FNDC3A: variants seen among roughly 807,000 people sequenced by gnomAD.
The protein encoded by FNDC3A is fibronectin type III domain containing 3A, also known as fibronectin type-III domain-containing protein 3A.
FNDC3A carries 32 observed loss-of-function variants against 148.9 expected under a neutral mutation model. The ratio of observed to expected loss-of-function variants is 0.21; its 90% CI spans 0.16 to 0.29. The LOEUF (loss-of-function observed/expected upper bound fraction) is 0.29, where lower values mean the gene tolerates loss of function less well. Among genes scored for constraint, FNDC3A ranks in the 10% least tolerant of loss-of-function variants. FNDC3A has a pLI of 1.00. For synonymous variants in FNDC3A, 472 were observed against 473.6 expected, an observed-to-expected ratio of 1.00 and a Z score of 0.04; for missense variants, 1,191 against 1,452.8, an observed-to-expected ratio of 0.82 and a Z score of 2.93.
rs149655418 is a variant in FNDC3A at position 48,997,006 on chromosome 13, C to T, written c.-39-9146C>T. On this transcript the variant is annotated intron_variant, in intron 1 of 25. Transcript: ENST00000492622. ...TGAACCCAGGAGGCAGAGGCTGCAG[C>T]GGGCGGAGATCGCACCATTGCACTC... 5.0e-3 allele frequency among the ~76,000 whole-genome samples: 759 copies of T among 150,704 alleles called. 10 individuals are homozygous for T. Among genetic ancestry groups the T allele is most frequent in the African/African-American group, 0.017 (711 of 41,014 alleles).
chr13:48,994,908 A>T (rs557151224), intron 1 of FNDC3A, among the ~76,000 whole-genome samples: 1 of 152,190 alleles, frequency 6.6e-6, no homozygotes, highest in Non-Finnish European at 1.5e-5. Flanking sequence ...TAATGAGTAC[A>T]TGGGGTTCAT....
chr13:49,011,114 TATCAAACTGTTA>T (rs1283868637), intron 2 of FNDC3A, among the ~76,000 whole-genome samples: 9 of 152,352 alleles, frequency 5.9e-5, no homozygotes, highest in African/African-American at 1.7e-4. Flanking sequence ...TTCTTTGATT[TATCAAACTGTTA>T]ATCAAACTGT....
rs998159925 is a variant in FNDC3A at position 49,193,497 on chromosome 13, A to G, written c.2226+2113A>G. Among the ~76,000 whole-genome samples the G allele has an allele frequency of 2.6e-5, 4 of 152,132 alleles. No homozygotes were observed. In the South Asian group the frequency reaches 6.2e-4, roughly 24 times the overall value. On this transcript the variant is annotated intron_variant, in intron 19 of 25. Transcript: ENST00000492622. Reference sequence around the variant, plus strand: ...GGTTGGTCTCAAACTCTCGGGCTCAAGTGATTCCCCCACCTTAGCCTCCCA... The same window carrying G: ...GGTTGGTCTCAAACTCTCGGGCTCAGGTGATTCCCCCACCTTAGCCTCCCA...
intron 4 of FNDC3A, among the ~76,000 whole-genome samples, chr13:49,125,312 A>C (rs1350047627): frequency 1.3e-5 from 2 of 152,202 alleles, no homozygotes; most frequent in Non-Finnish European, 2.9e-5. Context: ...GATTTATATG[A>C]GAATGAAGAG....
intron 3 of FNDC3A, among the ~76,000 whole-genome samples, chr13:49,086,097 G>A (rs190303761): frequency 2.2e-4 from 34 of 152,240 alleles, no homozygotes; most frequent in African/African-American, 6.3e-4. Flanking sequence ...GGCCAGGCTG[G>A]TCTTGAACTC....
chr13:49,062,287 T>C (rs559316842), intron 2 of FNDC3A, among the ~76,000 whole-genome samples: 6 of 152,312 alleles, frequency 3.9e-5, no homozygotes, highest in African/African-American at 1.2e-4. Context: ...ATTGAACTAT[T>C]CTTGCATTTT....
At chr13:49,063,158 T>C (rs947126563) in intron 2 of FNDC3A, among the ~76,000 whole-genome samples, 2 of 152,212 alleles carry the variant, frequency 1.3e-5, no homozygotes, top group African/African-American at 2.4e-5. Context: ...CTGTACTACA[T>C]TGCTAAGCAC....
chr13:49,182,789 TC>T (rs1305172994), intron 14 of FNDC3A, among the ~76,000 whole-genome samples: 1 of 152,150 alleles, frequency 6.6e-6, no homozygotes. Context: ...CATGTTTTCT[TC>T]CTCTCATCTT....
intron 1 of FNDC3A, among the ~76,000 whole-genome samples, chr13:48,986,639 G>A (rs188361853): frequency 6.6e-5 from 10 of 151,886 alleles, no homozygotes; most frequent in Middle Eastern, 3.4e-3. Flanking sequence ...CTCATGATCC[G>A]CCCACCTCAG....
chr13:49,001,206 C>A (rs1952119214), intron 1 of FNDC3A, among the ~76,000 whole-genome samples: 1 of 152,170 alleles, frequency 6.6e-6, no homozygotes, highest in Non-Finnish European at 1.5e-5. Flanking sequence ...CCTGTATTTA[C>A]TGCGATCTCC....
chr13:49,146,139 T>C (rs1006086152), intron 8 of FNDC3A: 6 of 493,082 alleles, frequency 1.2e-5, no homozygotes, highest in African/African-American at 1.2e-4. Context: ...ATAATCACTT[T>C]TATTGGCCAC....
At chr13:49,008,672 C>T (rs189869075) in intron 2 of FNDC3A, among the ~76,000 whole-genome samples, 4 of 152,226 alleles carry the variant, frequency 2.6e-5, no homozygotes, top group East Asian at 1.9e-4. Context: ...TCATATTACA[C>T]GCAGTGGGTC....
chr13:49,153,218 G>A (rs1883430735), intron 8 of FNDC3A, among the ~76,000 whole-genome samples: 1 of 150,728 alleles, frequency 6.6e-6, no homozygotes, highest in Admixed American at 6.6e-5. Flanking sequence ...ATTCTAACTG[G>A]TGTGAGATGG....
chr13:49,191,304 T>G lies in FNDC3A; in HGVS notation c.2146T>G (p.Ser716Ala). The change falls in exon 19 of 26, where the codon TCT (serine) becomes GCT (alanine). Residue 716 changes from serine to alanine, a missense_variant. This residue lies in a region of FNDC3A where 751 missense variants were observed against 944.0 expected (regional missense o/e 0.80). Transcript: ENST00000492622. ...TGAACCTAGAGAAGTTTACCAAGGT[T>G]CTGAAGTAGAATGTACAGTGAGCAG... The part of the protein sequence containing the change: ...KDEPREVYQG[S>A]EVECTVSSLL... 1 of 1,613,892 alleles carries G rather than the reference T, an allele frequency of 6.2e-7. No individual in the cohort carries two copies. The highest frequency in any genetic ancestry group is 8.5e-7 in the Non-Finnish European group (1 of 1,179,938).
chr13:49,086,357 G>A lies in FNDC3A; in HGVS notation c.175+10993G>A, dbSNP rs1021935155. Among the ~76,000 whole-genome samples the A allele has an allele frequency of 1.1e-4, 16 of 152,016 alleles. No individual in the cohort carries two copies. The East Asian group carries it at 2.7e-3, about 26-fold the overall frequency. On this transcript the variant is annotated intron_variant, in intron 3 of 25. Coordinates refer to ENST00000492622, the MANE Select transcript of FNDC3A (RefSeq NM_001079673.2). Reference sequence around the variant, plus strand: ...TAGGTAATTTACTTAAATTCTGGCCGGTATTGTGCATATACTGAAATGAGG... The same window carrying A: ...TAGGTAATTTACTTAAATTCTGGCCAGTATTGTGCATATACTGAAATGAGG...
At chr13:48,992,061 C>T (rs1031096661) in intron 1 of FNDC3A, among the ~76,000 whole-genome samples, 2 of 152,202 alleles carry the variant, frequency 1.3e-5, no homozygotes, top group African/African-American at 2.4e-5. Context: ...ATCTCTTTTG[C>T]TCCATCATAA....
At chr13:49,034,097 C>T (rs61950727) in intron 2 of FNDC3A, among the ~76,000 whole-genome samples, 22,874 of 151,704 alleles carry the variant, frequency 0.15, 2,201 homozygotes, top group Non-Finnish European at 0.21. Context: ...GTAAAATATG[C>T]GGAGTCTTTA....
intron 1 of FNDC3A, among the ~76,000 whole-genome samples, chr13:48,997,682 C>T (rs1952047892): frequency 6.6e-6 from 1 of 152,090 alleles, no homozygotes; most frequent in Non-Finnish European, 1.5e-5. Context: ...CATGCTAGCA[C>T]CCTGATCTTG....
intron 2 of FNDC3A, among the ~76,000 whole-genome samples, chr13:49,010,748 A>G (rs1419763091): frequency 6.6e-6 from 1 of 152,226 alleles, no homozygotes; most frequent in Non-Finnish European, 1.5e-5. Context: ...CTTCCACATC[A>G]TAACACCCTC....
Sources: gnomAD v4.1 joint callset for allele counts (sites outside exome capture counted in the v4.1 genomes callset) on GRCh38, gnomAD v4.1.1 for gene constraint, gnomAD v4.1.1 regional missense constraint, MANE v1.5 for transcripts, NCBI Gene and HGNC (gene_info 2026-07-23, HGNC 2026-07-21) for gene names.